PDE6G: variants seen among roughly 807,000 people sequenced by gnomAD.
PDE6G encodes phosphodiesterase 6G.
PDE6G carries 10 observed loss-of-function variants against 10.9 expected under a neutral mutation model. That is an observed-to-expected ratio of 0.91 (90% CI 0.56 to 1.55). The LOEUF is 1.55. Among genes scored for constraint, PDE6G ranks in the 40% most tolerant of loss-of-function variants. The pLI, the probability that PDE6G is intolerant of heterozygous loss-of-function variation, is 0.00. For missense variants in PDE6G, 102 were observed against 110.1 expected (o/e 0.93, Z 0.33); for synonymous variants, 41 against 42.8 (o/e 0.96, Z 0.16).
At chr17:81,656,740 A>G, upstream of PDE6G, 1 of 660,280 alleles carries the variant, frequency 1.5e-6, no homozygotes, top group South Asian at 1.6e-5. Context: ...CAGGGAGAGA[A>G]GTGTGACCCT....
rs139062714 is a variant in PDE6G, at chr17:81,651,170, C to G, written c.188-20G>C. ...TGATGTCTGTGGGAGAAACGGGCCACGGATCAGAGAGGATCCCACGGCCTA... is the reference window on the plus strand; with the variant it reads ...TGATGTCTGTGGGAGAAACGGGCCAGGGATCAGAGAGGATCCCACGGCCTA... On this transcript the variant is annotated intron_variant, in intron 3 of 3. Coordinates refer to ENST00000331056, the MANE Select transcript of PDE6G (RefSeq NM_002602.4). The surrounding 1 kb of genome is among the most constrained non-coding windows in gnomAD (Gnocchi z 4.8). 21 of 1,592,948 alleles carry G rather than the reference C, an allele frequency of 1.3e-5. No individual in the cohort carries two copies. Among genetic ancestry groups the G allele is most frequent in the Middle Eastern group, 1.7e-4 (1 of 6,040 alleles).
Position 81,653,969 on chromosome 17 carries a change from C to A in PDE6G, c.-59-605G>T, listed in dbSNP as rs2036409609. Among the ~76,000 whole-genome samples the A allele has an allele frequency of 6.6e-6, 1 of 152,166 alleles. No individual in the cohort carries two copies. Among genetic ancestry groups the A allele is most frequent in the Non-Finnish European group, 1.5e-5 (1 of 68,028 alleles). ...GGGATTACCGGCGTCTGCCACCATG[C>A]CCGGCTAATCTTTGCATTTTTGCAT... is the stretch of plus-strand genomic sequence containing the variant. On this transcript the variant is annotated intron_variant, in intron 1 of 3. Transcript: ENST00000331056. This position sits in a 1 kb window ranked among gnomAD's most constrained non-coding sequence, Gnocchi z 5.2.
At position 81,651,229 on chromosome 17, in the gene PDE6G, AC is replaced by A; in HGVS notation, c.188-80del. On this transcript the variant is annotated intron_variant, in intron 3 of 3. Transcript: ENST00000331056. This position sits in a 1 kb window ranked among gnomAD's most constrained non-coding sequence, Gnocchi z 4.8. ...CCCATCCCCTGTGGCCCTGTTTCCC[AC>A]AGCCCAGGTGTAGCCCTACAGTGTG... The A allele has an allele frequency of 9.6e-7, 1 of 1,041,404 alleles. No homozygotes were observed. Among genetic ancestry groups the A allele is most frequent in the South Asian group, 1.3e-5 (1 of 76,766 alleles). 64.5% of individuals were successfully genotyped at this position (1,041,404 alleles called of 1,614,324 possible).
chr17:81,653,417 G>A lies in PDE6G; in HGVS notation c.-59-53C>T. The A allele has an allele frequency of 7.6e-7, 1 of 1,312,304 alleles. No homozygotes were observed. The highest frequency in any genetic ancestry group is 1.1e-6 in the Non-Finnish European group (1 of 943,678). The allele number at this position is 1,312,304 out of a possible 1,614,324, so 81.3% of individuals were successfully genotyped here. A position where few individuals can be genotyped will look rare whatever the true frequency, so the allele number is the denominator to read the frequency against. ...GTCAGCCCTCCTGCTTCCAACCCTT[G>A]TGGGGGTCTCAACCCACCGGTGGAG... On this transcript the variant is annotated intron_variant, in intron 1 of 3. Coordinates refer to ENST00000331056, the MANE Select transcript of PDE6G (RefSeq NM_002602.4). The surrounding 1 kb of genome is among the most constrained non-coding windows in gnomAD (Gnocchi z 5.2).
At chr17:81,660,567 T>G (rs1318909609), upstream of PDE6G, among the ~76,000 whole-genome samples, 1 of 152,220 alleles carries the variant, frequency 6.6e-6, no homozygotes, top group East Asian at 1.9e-4. Context: ...ACAAACTCAC[T>G]GCAGCCTTGA....
At position 81,653,451 on chromosome 17, in the gene PDE6G, AC is replaced by A. The variant is rs2036400000; in HGVS notation, c.-59-88del. ...TCAACCCACCGGTGGAGGGGCTGAG[AC>A]CCAGCCCCGCCAGCTCCAGCGTCAT... On this transcript the variant is annotated intron_variant, in intron 1 of 3. Coordinates refer to ENST00000331056, the MANE Select transcript of PDE6G (RefSeq NM_002602.4). The surrounding 1 kb of genome is among the most constrained non-coding windows in gnomAD (Gnocchi z 5.2). The A allele has an allele frequency of 1.0e-5, 9 of 869,498 alleles. No homozygotes were observed. In the Admixed American group the frequency reaches 1.9e-4, roughly 19 times the overall value. The allele number at this position is 869,498 out of a possible 1,614,324, so 53.9% of individuals were successfully genotyped here.
chr17:81,662,248 C>A (rs1028089139), intron 1 of PDE6G, among the ~76,000 whole-genome samples: 1 of 152,118 alleles, frequency 6.6e-6, no homozygotes, highest in Non-Finnish European at 1.5e-5. Flanking sequence ...CGCAAAATAA[C>A]CTTTCCAAAC....
rs543610095 is a variant in PDE6G at position 81,656,490 on chromosome 17, C to T, written c.-60+3G>A. 18 of 762,472 alleles carry T rather than the reference C, an allele frequency of 2.4e-5. No individual in the cohort carries two copies. The highest frequency in any genetic ancestry group is 4.3e-5 in the Non-Finnish European group (18 of 416,928). The allele number at this position is 762,472 out of a possible 1,614,324, so 47.2% of individuals were successfully genotyped here. A position where few individuals can be genotyped will look rare whatever the true frequency, so the allele number is the denominator to read the frequency against. On this transcript the variant is annotated splice_donor_region_variant and intron_variant, in intron 1 of 3. Coordinates refer to ENST00000331056, the MANE Select transcript of PDE6G (RefSeq NM_002602.4). ...AAAGACAGCGGGGTTGGCCACTACT[C>T]ACCAAGTGCAGGGCGGGTCTCAGGG...
upstream of PDE6G, chr17:81,657,004 TGGGTCTTCCCAA>T (rs2036456108): frequency 7.8e-6 from 2 of 255,366 alleles, no homozygotes; most frequent in Non-Finnish European, 1.6e-5. Context: ...TAGGGGCCTG[TGGGTCTTCCCAA>T]GCACAGAAGC....
upstream of PDE6G, among the ~76,000 whole-genome samples, chr17:81,659,582 G>A (rs2036491215): frequency 6.6e-6 from 1 of 152,016 alleles, no homozygotes; most frequent in Non-Finnish European, 1.5e-5. Context: ...CTGGGCGACA[G>A]AGGAAGACTT....
At position 81,653,012 on chromosome 17, in the gene PDE6G, C is replaced by G; in HGVS notation, c.146+148G>C. The stretch of plus-strand genomic sequence containing the variant: ...CCCCTCCTCCATCCCTGCTCAGGCC[C>G]TCAGGCACCGCCCTACCTTCCCCAG... On this transcript the variant is annotated intron_variant, in intron 2 of 3. Coordinates refer to ENST00000331056, the MANE Select transcript of PDE6G (RefSeq NM_002602.4). The surrounding 1 kb of genome is among the most constrained non-coding windows in gnomAD (Gnocchi z 5.2). The G allele has an allele frequency of 1.0e-6, 1 of 952,798 alleles. No individual in the cohort carries two copies. The highest frequency in any genetic ancestry group is 2.4e-5 in the East Asian group (1 of 41,388). The allele number at this position is 952,798 out of a possible 1,614,324, so 59.0% of individuals were successfully genotyped here.
At chr17:81,659,357 T>A (rs2036488240), upstream of PDE6G, among the ~76,000 whole-genome samples, 1 of 151,822 alleles carries the variant, frequency 6.6e-6, no homozygotes, top group African/African-American at 2.4e-5. Flanking sequence ...CCTGTACTTT[T>A]GGAGGACGAG....
chr17:81,651,013 A>G lies in PDE6G; in HGVS notation c.*61T>C, dbSNP rs775020982. The G allele has an allele frequency of 7.9e-7, 1 of 1,259,218 alleles. No homozygotes were observed. Among genetic ancestry groups the G allele is most frequent in the Non-Finnish European group, 1.2e-6 (1 of 856,758 alleles). 78.0% of individuals were successfully genotyped at this position (1,259,218 alleles called of 1,614,324 possible). A position where few individuals can be genotyped will look rare whatever the true frequency, so the allele number is the denominator to read the frequency against. ...AGGCATCTCCTCAACAGGAATCCTGAGCAGGGTTTAGAGCACAGTGGGCAG... is the reference window on the plus strand; with the variant it reads ...AGGCATCTCCTCAACAGGAATCCTGGGCAGGGTTTAGAGCACAGTGGGCAG... On this transcript the variant is annotated 3_prime_UTR_variant, in exon 4 of 4. Coordinates refer to ENST00000331056, the MANE Select transcript of PDE6G (RefSeq NM_002602.4). This position sits in a 1 kb window ranked among gnomAD's most constrained non-coding sequence, Gnocchi z 4.8.
chr17:81,652,801 CG>C (rs2036382344), intron 2 of PDE6G, among the ~76,000 whole-genome samples: 2 of 45,866 alleles, frequency 4.4e-5, no homozygotes, highest in East Asian at 0.031. Context: ...CTCAAACTCG[CG>C]ATCCTAGGGG....
chr17:81,651,393 C>G lies in PDE6G; in HGVS notation c.188-243G>C, dbSNP rs1039283669. The stretch of plus-strand genomic sequence containing the variant: ...GGCTTGCTGAAGGGGGAGGAGGCAG[C>G]GAGGGGTTCTGTTCTTTCCCAAACC... On this transcript the variant is annotated intron_variant, in intron 3 of 3. Transcript: ENST00000331056. This position sits in a 1 kb window ranked among gnomAD's most constrained non-coding sequence, Gnocchi z 4.8. 1.1e-4 allele frequency among the ~76,000 whole-genome samples: 17 copies of G among 151,972 alleles called. No homozygotes were observed.
In PDE6G at chr17:81,653,201, G is replaced by A; in HGVS notation, c.105C>T (p.Thr35=). 1 of 1,614,100 alleles carries A rather than the reference G, an allele frequency of 6.2e-7. No homozygotes were observed. The highest frequency in any genetic ancestry group is 8.5e-7 in the Non-Finnish European group (1 of 1,180,022). ...KGPPKFKQRQ[T]RQFKSKPPKK... is the part of the protein sequence containing the mutation. ...TTGGGGGCTTGCTCTTGAACTGCCT[G>A]GTCTGTCGCTGCTTAAATTTAGGGG... Residue 35 remains threonine (T), a synonymous_variant, in exon 2 of 4, where the codon ACC becomes ACT. Coordinates refer to ENST00000331056, the MANE Select transcript of PDE6G (RefSeq NM_002602.4). The surrounding 1 kb of genome is among the most constrained non-coding windows in gnomAD (Gnocchi z 5.2).
chr17:81,660,793 G>C (rs1273904614), upstream of PDE6G, among the ~76,000 whole-genome samples: 1 of 152,158 alleles, frequency 6.6e-6, no homozygotes, highest in African/African-American at 2.4e-5. Context: ...TGCCCGGCCG[G>C]ACATACGTAG....
At chr17:81,656,296 G>C (rs2144408222) in intron 1 of PDE6G, among the ~76,000 whole-genome samples, 197 bp downstream of exon 1, 1 of 152,330 alleles carries the variant, frequency 6.6e-6, no homozygotes, top group South Asian at 2.1e-4. Flanking sequence ...TGGTTACCAT[G>C]GGGGAGCAGA....
intron 1 of PDE6G, among the ~76,000 whole-genome samples, chr17:81,654,096 G>A (rs949909401): frequency 6.6e-6 from 1 of 152,048 alleles, no homozygotes; most frequent in South Asian, 2.1e-4. Context: ...TATTACAGGC[G>A]TGAGCCACCG....
Sources: gnomAD v4.1 joint callset for allele counts (sites outside exome capture counted in the v4.1 genomes callset) on GRCh38, gnomAD v4.1.1 for gene constraint, Gnocchi (gnomAD v3.1) non-coding constraint, MANE v1.5 for transcripts, NCBI Gene and HGNC (gene_info 2026-07-23, HGNC 2026-07-21) for gene names.